The following RAB11A variants were observed in gnomAD, a reference collection of about 807,000 sequenced individuals.
The protein encoded by RAB11A is RAB11A, member RAS oncogene family.
A neutral mutation model predicts 28.0 loss-of-function variants in RAB11A; 9 were observed. That is an observed-to-expected ratio of 0.32 (90% CI 0.19 to 0.56). The LOEUF (loss-of-function observed/expected upper bound fraction) is 0.56, where lower values mean the gene tolerates loss of function less well. Ranked by LOEUF, RAB11A falls within the 20% of genes least tolerant of loss-of-function variation. The probability of loss-of-function intolerance (pLI) is 0.91; values close to 1 mark genes in which losing one functional copy is unlikely to be tolerated. For missense variants in RAB11A, 108 were observed against 269.6 expected, an observed-to-expected ratio of 0.40 and a Z score of 4.20; for synonymous variants, 85 against 88.2, an observed-to-expected ratio of 0.96 and a Z score of 0.20.
intron 1 of RAB11A, among the ~76,000 whole-genome samples, chr15:65,871,928 T>G (rs2078163672): frequency 7.7e-6 from 1 of 129,146 alleles, no homozygotes; most frequent in Non-Finnish European, 1.6e-5. Context: ...AGTTTTTTTT[T>G]TTTTTTTTTT....
chr15:65,880,210 T>C (rs1439207099), intron 4 of RAB11A, among the ~76,000 whole-genome samples: 2 of 152,220 alleles, frequency 1.3e-5, no homozygotes, highest in African/African-American at 2.4e-5. Context: ...TTGCGTATTC[T>C]ATATTGTATC....
At chr15:65,885,298 T>G (rs2078249640) in intron 4 of RAB11A, among the ~76,000 whole-genome samples, 1 of 151,884 alleles carries the variant, frequency 6.6e-6, no homozygotes, top group South Asian at 2.1e-4. Flanking sequence ...AATTTTTTTT[T>G]TGTATTTTTA....
At position 65,869,687 on chromosome 15, in the gene RAB11A, T is replaced by C; in HGVS notation, c.40+62T>C. The C allele has an allele frequency of 7.7e-6, 12 of 1,549,902 alleles. No homozygotes were observed. The South Asian group carries it at 1.3e-4, about 17-fold the overall frequency. On this transcript the variant is annotated intron_variant, in intron 1 of 4. Transcript: ENST00000261890. ...GTTCGGGGACCCGGGCCACTCCCGGTGGACCCTCGTGCCGGCCACCCCTGC... is the reference window on the plus strand; with the variant it reads ...GTTCGGGGACCCGGGCCACTCCCGGCGGACCCTCGTGCCGGCCACCCCTGC...
At chr15:65,875,566 C>G (rs2078186906) in intron 1 of RAB11A, among the ~76,000 whole-genome samples, 1 of 152,236 alleles carries the variant, frequency 6.6e-6, no homozygotes, top group Non-Finnish European at 1.5e-5. Flanking sequence ...GCCACAGCAT[C>G]TTTGACACCC....
At position 65,877,993 on chromosome 15, in the gene RAB11A, T is replaced by A; in HGVS notation, c.430+38T>A. ...AATTCCATGATATTTCTTACCATTGTGTCTTGTGGTTTTGATACCTTCCAA... is the reference window on the plus strand; with the variant it reads ...AATTCCATGATATTTCTTACCATTGAGTCTTGTGGTTTTGATACCTTCCAA... On this transcript the variant is annotated intron_variant, in intron 3 of 4. Transcript: ENST00000261890. The surrounding 1 kb of genome is among the most constrained non-coding windows in gnomAD (Gnocchi z 4.1). 6.4e-7 allele frequency: 1 copy of A among 1,561,958 alleles called. No homozygotes were observed. Among genetic ancestry groups the A allele is most frequent in the Non-Finnish European group, 8.8e-7 (1 of 1,132,894 alleles).
Position 65,887,967 on chromosome 15 carries a change from C to A in RAB11A, c.*127C>A. The stretch of plus-strand genomic sequence containing the variant: ...TCATACTTATGAATTTTTCCATGTC[C>A]TAAGTCTTTTGATTTTAGCTTTATA... On this transcript the variant is annotated 3_prime_UTR_variant, in exon 5 of 5. Coordinates refer to ENST00000261890, the MANE Select transcript of RAB11A (RefSeq NM_004663.5). 1 of 1,042,116 alleles carries A rather than the reference C, an allele frequency of 9.6e-7. No homozygotes were observed. Among genetic ancestry groups the A allele is most frequent in the Non-Finnish European group, 1.3e-6 (1 of 778,166 alleles). The allele number at this position is 1,042,116 out of a possible 1,614,324, so 64.6% of individuals were successfully genotyped here. A position where few individuals can be genotyped will look rare whatever the true frequency, so the allele number is the denominator to read the frequency against.
intron 4 of RAB11A, among the ~76,000 whole-genome samples, chr15:65,883,967 T>C (rs1233423947): frequency 6.6e-6 from 1 of 152,204 alleles, no homozygotes; most frequent in African/African-American, 2.4e-5. Flanking sequence ...AACAGTAAGC[T>C]GTAGTCAACT....
In RAB11A at chr15:65,891,032, A is replaced by G. The variant is rs979862635; in HGVS notation, c.*3192A>G. 6 of 152,246 alleles carry G rather than the reference A, an allele frequency of 3.9e-5. No individual in the cohort carries two copies. The highest frequency in any genetic ancestry group is 2.0e-4 in the Admixed American group (3 of 15,290). 9.4% of individuals were successfully genotyped at this position (152,246 alleles called of 1,614,324 possible). ...GGATCCTCTTCCACCACATCATTTA[A>G]TGGGTTAGCGGAACAGATAGGGAGC... On this transcript the variant is annotated 3_prime_UTR_variant, in exon 5 of 5. Transcript: ENST00000261890.
chr15:65,890,224 A>AT lies in RAB11A; in HGVS notation c.*2390dup, dbSNP rs1449922061. On this transcript the variant is annotated 3_prime_UTR_variant, in exon 5 of 5. Coordinates refer to ENST00000261890, the MANE Select transcript of RAB11A (RefSeq NM_004663.5). ...AGGCGCCAGCCACCACGACTGGCTA[A>AT]TTTTTTGTATTTTTAGTAGAGACGG... is the stretch of plus-strand genomic sequence containing the variant. 1 of 152,068 alleles carries AT rather than the reference A, an allele frequency of 6.6e-6. No individual in the cohort carries two copies. Among genetic ancestry groups the AT allele is most frequent in the Non-Finnish European group, 1.5e-5 (1 of 68,150 alleles). The allele number at this position is 152,068 out of a possible 1,614,324, so 9.4% of individuals were successfully genotyped here. A position where few individuals can be genotyped will look rare whatever the true frequency, so the allele number is the denominator to read the frequency against.
chr15:65,871,057 A>C (rs1481090174), intron 1 of RAB11A, among the ~76,000 whole-genome samples: 1 of 152,186 alleles, frequency 6.6e-6, no homozygotes, highest in African/African-American at 2.4e-5. Context: ...TTGCTATTAA[A>C]GCTTTACTGT....
chr15:65,881,932 G>A (rs914120674), intron 4 of RAB11A, among the ~76,000 whole-genome samples: 13 of 150,214 alleles, frequency 8.7e-5, no homozygotes, highest in Non-Finnish European at 1.5e-4. Context: ...ATGGTAGTGT[G>A]TGCGCCTGTA....
At chr15:65,881,134 G>A (rs984517091) in intron 4 of RAB11A, among the ~76,000 whole-genome samples, 3 of 152,186 alleles carry the variant, frequency 2.0e-5, no homozygotes, top group African/African-American at 7.2e-5. Context: ...CAGAAGAATA[G>A]TGCTGGGGTT....
At chr15:65,872,581 T>C (rs1440773349) in intron 1 of RAB11A, among the ~76,000 whole-genome samples, 2 of 151,848 alleles carry the variant, frequency 1.3e-5, no homozygotes, top group African/African-American at 4.8e-5. Flanking sequence ...ATTACAGGCA[T>C]GGACCACCAC....
Position 65,887,784 on chromosome 15 carries a change from C to T in RAB11A, c.595C>T (p.His199Tyr). The change falls in exon 5 of 5, where the codon CAT becomes TAT. Residue 199 changes from histidine (H) to tyrosine (Y), a missense_variant. Physicochemically the swap from His to Tyr is moderately conservative, Grantham distance 83. This residue lies in a region of RAB11A where 85 missense variants were observed against 145.9 expected (regional missense o/e 0.58). Coordinates refer to ENST00000261890, the MANE Select transcript of RAB11A (RefSeq NM_004663.5). ...TCCAAGCAACAATGTGGTTCCTATT[C>T]ATGTTCCACCAACCACTGAAAACAA... is the stretch of plus-strand genomic sequence containing the variant. The part of the protein sequence containing the change: ...MSPSNNVVPI[H>Y]VPPTTENKPK... 6.2e-7 allele frequency: 1 copy of T among 1,613,706 alleles called. No individual in the cohort carries two copies. Among genetic ancestry groups the T allele is most frequent in the Non-Finnish European group, 8.5e-7 (1 of 1,179,820 alleles).
chr15:65,889,642 A>G lies in RAB11A; in HGVS notation c.*1802A>G, dbSNP rs2078275789. On this transcript the variant is annotated 3_prime_UTR_variant, in exon 5 of 5. Coordinates refer to ENST00000261890, the MANE Select transcript of RAB11A (RefSeq NM_004663.5). ...TTCCTTGGAAAAAGTATGTCCAAAAACATTAGGAAAGTAGTGTGTATTTTC... is the reference window on the plus strand; with the variant it reads ...TTCCTTGGAAAAAGTATGTCCAAAAGCATTAGGAAAGTAGTGTGTATTTTC... 6.6e-6 allele frequency: 1 copy of G among 152,198 alleles called. No homozygotes were observed. Among genetic ancestry groups the G allele is most frequent in the Non-Finnish European group, 1.5e-5 (1 of 68,038 alleles). The allele number at this position is 152,198 out of a possible 1,614,324, so 9.4% of individuals were successfully genotyped here.
rs1021719673 is a variant in RAB11A, at chr15:65,877,690, A to G, written c.237-72A>G. 13 of 1,378,518 alleles carry G rather than the reference A, an allele frequency of 9.4e-6. No individual in the cohort carries two copies. The highest frequency in any genetic ancestry group is 4.4e-5 in the African/African-American group (3 of 68,622). The allele number at this position is 1,378,518 out of a possible 1,614,324, so 85.4% of individuals were successfully genotyped here. A position where few individuals can be genotyped will look rare whatever the true frequency, so the allele number is the denominator to read the frequency against. On this transcript the variant is annotated intron_variant, in intron 2 of 4. Transcript: ENST00000261890. The surrounding 1 kb of genome is among the most constrained non-coding windows in gnomAD (Gnocchi z 4.1). ...AGTATGTTTTTAAAACTCATGATCC[A>G]TATTTTGAGTTCTTCCTGGTGTTTG... is the stretch of plus-strand genomic sequence containing the variant.
At chr15:65,875,829 G>A (rs1235293899) in intron 1 of RAB11A, among the ~76,000 whole-genome samples, 3 of 152,098 alleles carry the variant, frequency 2.0e-5, no homozygotes, top group Non-Finnish European at 4.4e-5. Context: ...CTTTCCACTC[G>A]TACCACCATC....
chr15:65,884,622 T>C (rs1358644086), intron 4 of RAB11A, among the ~76,000 whole-genome samples: 1 of 152,104 alleles, frequency 6.6e-6, no homozygotes, highest in Non-Finnish European at 1.5e-5. Context: ...AGAAATAGAT[T>C]ACTGCTGCAC....
chr15:65,873,932 A>C lies in RAB11A; in HGVS notation c.41-3400A>C, dbSNP rs571316776. ...TAAAAACTTTTGAGGAGGTTGGACTATGAATATAGTTGAAAGAATAGAAAT... is the reference window on the plus strand; with the variant it reads ...TAAAAACTTTTGAGGAGGTTGGACTCTGAATATAGTTGAAAGAATAGAAAT... On this transcript the variant is annotated intron_variant, in intron 1 of 4. Transcript: ENST00000261890. Among the ~76,000 whole-genome samples, 394 of 152,250 alleles carry C rather than the reference A, an allele frequency of 2.6e-3. 2 individuals carry two copies. The highest frequency in any genetic ancestry group is 3.9e-3 in the Non-Finnish European group (263 of 68,022).
Sources: allele counts gnomAD v4.1 joint callset (sites outside exome capture counted in the v4.1 genomes callset), GRCh38; gene constraint gnomAD v4.1.1; regional missense constraint gnomAD v4.1.1; non-coding constraint Gnocchi (gnomAD v3.1); transcripts MANE v1.5; gene names NCBI Gene and HGNC (gene_info 2026-07-23, HGNC 2026-07-21).